The following OPCML variants were observed in gnomAD, a reference collection of about 807,000 sequenced individuals.
OPCML encodes opioid-binding protein/cell adhesion molecule.
Under a neutral mutation model 37.8 loss-of-function variants are expected in OPCML, and 13 were observed. The observed-to-expected ratio is 0.34, with a 90% CI of 0.22 to 0.55. The LOEUF is 0.55. Ranked by LOEUF, OPCML falls within the 20% of genes least tolerant of loss-of-function variation. The pLI is 0.91. For missense variants in OPCML, 341 were observed against 435.6 expected (o/e 0.78, Z 1.93); for synonymous variants, 176 against 168.8 (o/e 1.04, Z -0.33).
intron 4 of OPCML, among the ~76,000 whole-genome samples, chr11:132,521,825 A>C (rs943456572): frequency 6.6e-6 from 1 of 152,222 alleles, no homozygotes; most frequent in Non-Finnish European, 1.5e-5. Context: ...TGCACTGTGG[A>C]GTTTACTTGG....
chr11:133,228,250 C>T (rs1333214165), intron 1 of OPCML, among the ~76,000 whole-genome samples: 1 of 152,182 alleles, frequency 6.6e-6, no homozygotes, highest in Non-Finnish European at 1.5e-5. Flanking sequence ...ACCCGCTCAG[C>T]TGTTCCCCAT....
At chr11:132,710,398 A>G (rs768748586) in intron 2 of OPCML, among the ~76,000 whole-genome samples, 1 of 152,136 alleles carries the variant, frequency 6.6e-6, no homozygotes, top group Non-Finnish European at 1.5e-5. Flanking sequence ...TAAAGTACCT[A>G]TACTACAGTA....
intron 2 of OPCML, among the ~76,000 whole-genome samples, chr11:132,755,489 G>A (rs1946006071): frequency 6.6e-6 from 1 of 152,060 alleles, no homozygotes; most frequent in African/African-American, 2.4e-5. Context: ...ATTGCACGTG[G>A]TTGCTATATT....
chr11:133,020,852 T>C (rs533023623), intron 1 of OPCML, among the ~76,000 whole-genome samples: 25 of 152,204 alleles, frequency 1.6e-4, no homozygotes, highest in Non-Finnish European at 3.2e-4. Context: ...TAAGAAACTT[T>C]TTTTTTCTAT....
intron 3 of OPCML, among the ~76,000 whole-genome samples, chr11:132,618,954 T>TACACACAC (rs6144570): frequency 1.3e-4 from 19 of 145,442 alleles, no homozygotes; most frequent in Admixed American, 6.8e-4. Flanking sequence ...AGCACACGCA[T>TACACACAC]ACACACACAC....
intron 4 of OPCML, among the ~76,000 whole-genome samples, chr11:132,474,235 T>G (rs1392747191): frequency 6.6e-6 from 1 of 152,118 alleles, no homozygotes; most frequent in East Asian, 1.9e-4. Flanking sequence ...CTCCTGCCTT[T>G]GTAGCTTTGC....
chr11:132,961,388 T>A (rs1447586181), intron 1 of OPCML, among the ~76,000 whole-genome samples: 1 of 152,070 alleles, frequency 6.6e-6, no homozygotes, highest in Non-Finnish European at 1.5e-5. Flanking sequence ...AAACAAATAG[T>A]GTATAGAGTG....
intron 2 of OPCML, among the ~76,000 whole-genome samples, chr11:132,821,744 C>G (rs1939999692): frequency 6.6e-6 from 1 of 152,136 alleles, no homozygotes; most frequent in Non-Finnish European, 1.5e-5. Flanking sequence ...CTTCCCCCCT[C>G]TTTCCATCTT....
rs541410924 is a variant in OPCML at position 132,624,699 on chromosome 11, C to T, written c.379+32388G>A. Among the ~76,000 whole-genome samples, 54 of 152,290 alleles carry T rather than the reference C, an allele frequency of 3.5e-4. 1 individual carries two copies. Among genetic ancestry groups the T allele is most frequent in the African/African-American group, 1.3e-3 (53 of 41,558 alleles). ...ATCATAGTTTCTAGTCGTAACTCCACAGTCTCTTCAGCAGCTAAATCCTTA... is the reference window on the plus strand; with the variant it reads ...ATCATAGTTTCTAGTCGTAACTCCATAGTCTCTTCAGCAGCTAAATCCTTA... On this transcript the variant is annotated intron_variant, in intron 3 of 7. Coordinates refer to ENST00000524381, the MANE Select transcript of OPCML (RefSeq NM_001012393.5).
At chr11:133,321,476 A>T (rs1016907028) in intron 1 of OPCML, among the ~76,000 whole-genome samples, 1 of 152,212 alleles carries the variant, frequency 6.6e-6, no homozygotes, top group African/African-American at 2.4e-5. Flanking sequence ...CTGGGGGGAC[A>T]GACCTCCTCT....
intron 1 of OPCML, among the ~76,000 whole-genome samples, chr11:133,001,002 TC>T (rs1946990809): frequency 6.6e-6 from 1 of 152,166 alleles, no homozygotes; most frequent in African/African-American, 2.4e-5. Context: ...CCCTTTGCCT[TC>T]CGCCATGAGT....
intron 1 of OPCML, among the ~76,000 whole-genome samples, chr11:133,140,938 G>T: frequency 5.4e-5 from 1 of 18,658 alleles, no homozygotes; most frequent in African/African-American, 1.0e-4. Flanking sequence ...CGACGAAGAA[G>T]AAGAAGACGA....
At chr11:132,478,672 A>G (rs1027052310) in intron 4 of OPCML, among the ~76,000 whole-genome samples, 3 of 152,340 alleles carry the variant, frequency 2.0e-5, no homozygotes, top group African/African-American at 7.2e-5. Context: ...AATAGTTGAT[A>G]ACTGTTGTCT....
At chr11:133,488,435 G>T (rs1217147893) in intron 1 of OPCML, among the ~76,000 whole-genome samples, 1 of 151,950 alleles carries the variant, frequency 6.6e-6, no homozygotes, top group Non-Finnish European at 1.5e-5. Flanking sequence ...AAAATTAACA[G>T]AATCAGTAGT....
At chr11:132,844,328 A>G (rs1941427977) in intron 2 of OPCML, among the ~76,000 whole-genome samples, 1 of 152,234 alleles carries the variant, frequency 6.6e-6, no homozygotes, top group African/African-American at 2.4e-5. Flanking sequence ...ATTTGTGAAA[A>G]CACGGAGTCA....
rs185189353 is a variant in OPCML at position 132,873,109 on chromosome 11, G to A, written c.146+69817C>T. 7.4e-4 allele frequency among the ~76,000 whole-genome samples: 112 copies of A among 152,224 alleles called. 1 individual carries two copies. The highest frequency in any genetic ancestry group is 2.6e-3 in the African/African-American group (110 of 41,544). The stretch of plus-strand genomic sequence containing the variant: ...AGCTGAGGCTACCTTTCAGGCTGGG[G>A]TTCTTGTCCTGTCAAGAAAGAGGCT... On this transcript the variant is annotated intron_variant, in intron 2 of 7. Transcript: ENST00000524381.
chr11:133,071,858 C>T (rs528822287), intron 1 of OPCML, among the ~76,000 whole-genome samples: 39 of 152,178 alleles, frequency 2.6e-4, no homozygotes, highest in Non-Finnish European at 5.0e-4. Flanking sequence ...TTCCTAAAAT[C>T]CTGCAAATCC....
intron 1 of OPCML, among the ~76,000 whole-genome samples, chr11:133,477,093 G>A (rs1371969504): frequency 6.6e-6 from 1 of 152,146 alleles, no homozygotes; most frequent in African/African-American, 2.4e-5. Flanking sequence ...CAAGCCAGCA[G>A]TGCCCCCTGC....
intron 4 of OPCML, among the ~76,000 whole-genome samples, chr11:132,520,071 A>G (rs1591497651): frequency 6.6e-6 from 1 of 152,198 alleles, no homozygotes; most frequent in African/African-American, 2.4e-5. Context: ...TGTTAGAACA[A>G]TACTGAGTGG....
Sources: allele counts gnomAD v4.1 joint callset (sites outside exome capture counted in the v4.1 genomes callset), GRCh38; gene constraint gnomAD v4.1.1; transcripts MANE v1.5; gene names NCBI Gene and HGNC (gene_info 2026-07-23, HGNC 2026-07-21).